Variants in ACSL1 observed in about 807,000 individuals in gnomAD.
ACSL1 encodes the protein long-chain-fatty-acid--CoA ligase 1.
Under a neutral mutation model 98.4 loss-of-function variants are expected in ACSL1, and 41 were observed. The ratio of observed to expected loss-of-function variants is 0.42; its 90% CI spans 0.32 to 0.54. The LOEUF (loss-of-function observed/expected upper bound fraction) is 0.54. ACSL1 is among the 20% of genes least tolerant of loss of function. The pLI is 0.13. For synonymous variants in ACSL1, 316 were observed against 322.7 expected (o/e 0.98, Z 0.22); for missense variants, 734 against 883.1 (o/e 0.83, Z 2.14).
chr4:184,804,710 G>C (rs1771125153), intron 1 of ACSL1, among the ~76,000 whole-genome samples: 1 of 152,114 alleles, frequency 6.6e-6, no homozygotes, highest in Non-Finnish European at 1.5e-5. Flanking sequence ...TGTAAATGGA[G>C]ACGGAAATAG....
intron 17 of ACSL1, 58 bp downstream of exon 17, chr4:184,762,349 C>T: frequency 7.0e-7 from 1 of 1,423,792 alleles, no homozygotes; most frequent in Non-Finnish European, 9.9e-7. Context: ...GTAGATAAGA[C>T]ATTTTCTTCC....
chr4:184,791,936 A>G (rs1768446309), intron 2 of ACSL1, among the ~76,000 whole-genome samples: 1 of 152,202 alleles, frequency 6.6e-6, no homozygotes. Context: ...CAGAGACCAT[A>G]TCCCTTCAAG....
chr4:184,805,448 CA>C, intron 1 of ACSL1: 1 of 985,138 alleles, frequency 1.0e-6, no homozygotes, highest in Non-Finnish European at 1.2e-6. Flanking sequence ...ACCATGACAG[CA>C]AAGAAAGAAC....
At chr4:184,820,430 A>G (rs369842175) in intron 1 of ACSL1, among the ~76,000 whole-genome samples, 44 of 152,176 alleles carry the variant, frequency 2.9e-4, no homozygotes, top group African/African-American at 1.0e-3. Context: ...TGATCTTATC[A>G]CTCCCTGAGC....
At chr4:184,826,311 AGAGGCCCCGCGGACCCTGGGCCCCGC>A (rs1167330186), upstream of ACSL1, among the ~76,000 whole-genome samples, 4 of 152,120 alleles carry the variant, frequency 2.6e-5, no homozygotes, top group African/African-American at 9.7e-5. Context: ...GCCTCAGCTC[AGAGGCCCCGCGGACCCTGGGCCCCGC>A]GATGCCCGAG....
Position 184,783,804 on chromosome 4 carries a change from G to A in ACSL1, c.375+123C>T, listed in dbSNP as rs577663190. The A allele has an allele frequency of 2.6e-4, 234 of 888,812 alleles. No homozygotes were observed. The South Asian group carries it at 3.0e-3, about 11-fold the overall frequency. The allele number at this position is 888,812 out of a possible 1,614,324, so 55.1% of individuals were successfully genotyped here. A position where few individuals can be genotyped will look rare whatever the true frequency, so the allele number is the denominator to read the frequency against. On this transcript the variant is annotated intron_variant, in intron 4 of 20. Coordinates refer to ENST00000281455, the MANE Select transcript of ACSL1 (RefSeq NM_001995.5). The stretch of plus-strand genomic sequence containing the variant: ...TTCTCCTTGGATGCCCCATGCTTAC[G>A]GCAAGGCTCTGAGCTGGTCCAGCAC...
At chr4:184,817,460 G>A (rs1772727947) in intron 1 of ACSL1, among the ~76,000 whole-genome samples, 3 of 152,134 alleles carry the variant, frequency 2.0e-5, no homozygotes, top group Admixed American at 2.0e-4. Context: ...TCTAATGGAT[G>A]GTCTAGGCAG....
intron 1 of ACSL1, among the ~76,000 whole-genome samples, chr4:184,811,748 C>T (rs1302051563): frequency 6.6e-6 from 1 of 151,986 alleles, no homozygotes; most frequent in Non-Finnish European, 1.5e-5. Context: ...GGTTATACAA[C>T]CCTATGAATG....
intron 2 of ACSL1, among the ~76,000 whole-genome samples, chr4:184,794,132 G>A (rs60150344): frequency 0.1 from 15,432 of 152,166 alleles, 952 homozygotes; most frequent in Non-Finnish European, 0.14. Flanking sequence ...CGCCAACCGC[G>A]TCCTTCTCAG....
intron 11 of ACSL1, 116 bp from the exon 12 acceptor site, chr4:184,768,566 A>C: frequency 7.0e-7 from 1 of 1,428,232 alleles, no homozygotes; most frequent in Non-Finnish European, 9.4e-7. Context: ...AGAAATCTTA[A>C]ATTTCCTAAA....
At position 184,757,970 on chromosome 4, in the gene ACSL1, A is replaced by C; in HGVS notation, c.1783-50T>G. ...TACATAGCTTGATCCAAATGCTCTAAAATAGTGGTTCTTTATTTTTCCATC... is the reference window on the plus strand; with the variant it reads ...TACATAGCTTGATCCAAATGCTCTACAATAGTGGTTCTTTATTTTTCCATC... On this transcript the variant is annotated intron_variant, in intron 18 of 20. Coordinates refer to ENST00000281455, the MANE Select transcript of ACSL1 (RefSeq NM_001995.5). The surrounding 1 kb of genome is among the most constrained non-coding windows in gnomAD (Gnocchi z 4.5). The C allele has an allele frequency of 6.5e-7, 1 of 1,547,394 alleles. No homozygotes were observed. The highest frequency in any genetic ancestry group is 1.1e-5 in the South Asian group (1 of 89,476).
rs139241377 is a variant in ACSL1, at chr4:184,762,083, C to T, written c.1638+324G>A. Among the ~76,000 whole-genome samples, 1,019 of 151,734 alleles carry T rather than the reference C, an allele frequency of 6.7e-3. 18 individuals carry two copies. Among genetic ancestry groups the T allele is most frequent in the African/African-American group, 0.023 (955 of 41,338 alleles). ...TGGAGGTTGCAGTGAGCCGAGATCA[C>T]GCCATTGCACTCCAGCCAGCCTGGG... On this transcript the variant is annotated intron_variant, in intron 17 of 20. Transcript: ENST00000281455.
In ACSL1 at chr4:184,803,594, C is replaced by A; in HGVS notation, c.-32-48G>T. On this transcript the variant is annotated intron_variant, in intron 1 of 20. Coordinates refer to ENST00000281455, the MANE Select transcript of ACSL1 (RefSeq NM_001995.5). This position sits in a 1 kb window ranked among gnomAD's most constrained non-coding sequence, Gnocchi z 4.8. The stretch of plus-strand genomic sequence containing the variant: ...CGTTCGTTCCAGGGAAGCAGGACCC[C>A]TCTCCAGAACTCCAAAATTCCACCG... 1 of 1,280,514 alleles carries A rather than the reference C, an allele frequency of 7.8e-7. No homozygotes were observed. The highest frequency in any genetic ancestry group is 2.8e-5 in the East Asian group (1 of 36,052). 79.3% of individuals were successfully genotyped at this position (1,280,514 alleles called of 1,614,324 possible). A position where few individuals can be genotyped will look rare whatever the true frequency, so the allele number is the denominator to read the frequency against.
intron 3 of ACSL1, among the ~76,000 whole-genome samples, chr4:184,784,412 T>A (rs1013478771): frequency 6.6e-6 from 1 of 152,184 alleles, no homozygotes; most frequent in Non-Finnish European, 1.5e-5. Flanking sequence ...TAATTCAGAA[T>A]ACGGAAAGGA....
intron 2 of ACSL1, among the ~76,000 whole-genome samples, chr4:184,799,666 A>G (rs926877090): frequency 2.0e-5 from 3 of 152,080 alleles, no homozygotes; most frequent in Non-Finnish European, 4.4e-5. Context: ...TGGGCAACAC[A>G]GCAAGACCTC....
chr4:184,766,535 C>G lies in ACSL1; in HGVS notation c.1263+87G>C. ...ATGTTATTCTCTCCCTTACCTTCAT[C>G]TCTCCCTCTCACAAAAAAGGCCCTC... On this transcript the variant is annotated intron_variant, in intron 13 of 20. Transcript: ENST00000281455. The surrounding 1 kb of genome is among the most constrained non-coding windows in gnomAD (Gnocchi z 4.8). 9 of 1,496,066 alleles carry G rather than the reference C, an allele frequency of 6.0e-6. No individual in the cohort carries two copies. Among genetic ancestry groups the G allele is most frequent in the Non-Finnish European group, 8.2e-6 (9 of 1,100,148 alleles). 92.7% of individuals were successfully genotyped at this position (1,496,066 alleles called of 1,614,324 possible). A position where few individuals can be genotyped will look rare whatever the true frequency, so the allele number is the denominator to read the frequency against.
chr4:184,770,323 G>T (rs1483870359), intron 11 of ACSL1, 76 bp downstream of exon 11: 2 of 1,584,116 alleles, frequency 1.3e-6, no homozygotes, highest in Non-Finnish European at 1.7e-6. Flanking sequence ...GCACTCAAGG[G>T]AAGTGCTTTC....
At chr4:184,758,017 T>C (rs1172435094) in intron 18 of ACSL1, 97 bp from the exon 19 acceptor site, 2 of 1,208,578 alleles carry the variant, frequency 1.7e-6, no homozygotes, top group Non-Finnish European at 2.4e-6. Flanking sequence ...TGGGAGAATA[T>C]GATGAAAGTT....
At chr4:184,789,914 C>T (rs1048313989) in intron 2 of ACSL1, among the ~76,000 whole-genome samples, 1 of 151,118 alleles carries the variant, frequency 6.6e-6, no homozygotes, top group African/African-American at 2.4e-5. Flanking sequence ...CAGAGAGGGG[C>T]CTTCACTTTT....
Sources: allele counts gnomAD v4.1 joint callset (sites outside exome capture counted in the v4.1 genomes callset), GRCh38; gene constraint gnomAD v4.1.1; non-coding constraint Gnocchi (gnomAD v3.1); transcripts MANE v1.5; gene names NCBI Gene and HGNC (gene_info 2026-07-23, HGNC 2026-07-21).